Variants in RNF212B observed in about 807,000 individuals in gnomAD.
RNF212B encodes the protein E3 ubiquitin-protein ligase RNF212B.
In RNF212B, 52 loss-of-function variants were observed where a neutral mutation model predicts 55.5. The ratio of observed to expected loss-of-function variants is 0.94; its 90% confidence interval spans 0.75 to 1.18. The LOEUF is 1.18. Among genes scored for constraint, RNF212B ranks in the 50% most tolerant of loss-of-function variants. RNF212B has a pLI of 0.00. For synonymous variants in RNF212B, 99 were observed against 121.4 expected (o/e 0.82, Z 1.21); for missense variants, 289 against 350.4 (o/e 0.82, Z 1.40).
chr14:23,260,697 A>G lies in RNF212B; in HGVS notation c.434+10A>G. On this transcript the variant is annotated intron_variant, in intron 7 of 14. Transcript: ENST00000430154. ...GGTACCAAGGAAGCAGGTCAGTTTT[A>G]TCAGCTCCCATACTAGCCCAGCCCC... 1 of 1,550,188 alleles carries G rather than the reference A, an allele frequency of 6.5e-7. No individual in the cohort carries two copies. The highest frequency in any genetic ancestry group is 8.7e-7 in the Non-Finnish European group (1 of 1,146,674).
upstream of RNF212B, among the ~76,000 whole-genome samples, chr14:23,234,138 T>A (rs1882935788): frequency 6.6e-6 from 1 of 152,092 alleles, no homozygotes; most frequent in Non-Finnish European, 1.5e-5. Flanking sequence ...CCAAGATATT[T>A]TCTAGGAAAA....
chr14:23,247,094 C>A (rs28734785), intron 4 of RNF212B, among the ~76,000 whole-genome samples: 1 of 150,782 alleles, frequency 6.6e-6, no homozygotes, highest in Non-Finnish European at 1.5e-5. Flanking sequence ...GAGCCAAGAT[C>A]GCACCATTGC....
At chr14:23,212,643 G>T (rs148497816) in intron 2 of RNF212B, among the ~76,000 whole-genome samples, 1 of 151,698 alleles carries the variant, frequency 6.6e-6, no homozygotes, top group Non-Finnish European at 1.5e-5. Context: ...GTGCAGTGGC[G>T]CAGTCTCGGC....
At chr14:23,211,551 G>A (rs542138747) in intron 2 of RNF212B, among the ~76,000 whole-genome samples, 13 of 152,138 alleles carry the variant, frequency 8.5e-5, no homozygotes, top group East Asian at 3.9e-4. Context: ...TACAAAGATC[G>A]TACCAGAAAA....
chr14:23,261,969 A>G (rs571461500), intron 7 of RNF212B, among the ~76,000 whole-genome samples: 2 of 55,248 alleles, frequency 3.6e-5, no homozygotes, highest in Admixed American at 2.9e-4. Flanking sequence ...CTCTGTCTCA[A>G]AACAAACAAA....
Position 23,268,936 on chromosome 14 carries a change from C to A in RNF212B, c.647C>A (p.Pro216Gln). The change falls in exon 12 of 15, where the codon CCG becomes CAG. Residue 216 changes from proline to glutamine, a missense_variant. Pro to Gln is a moderately conservative substitution (Grantham distance 76). Transcript: ENST00000430154. ...TTATGCTTTCCAGAAACCCCTTCAC[C>A]GGCTTCAACTCATAGCCTATCTTAT... ...PRDSYNETPS[P>Q]ASTHSLSYRT... 1 of 1,550,324 alleles carries A rather than the reference C, an allele frequency of 6.5e-7. No homozygotes were observed. Among genetic ancestry groups the A allele is most frequent in the Non-Finnish European group, 8.7e-7 (1 of 1,146,478 alleles).
At chr14:23,243,651 G>A (rs545357965) in intron 3 of RNF212B, among the ~76,000 whole-genome samples, 14 of 136,560 alleles carry the variant, frequency 1.0e-4, no homozygotes, top group East Asian at 6.5e-4. Flanking sequence ...AGCTGAGCTC[G>A]CGCCACTGCA....
intron 4 of RNF212B, among the ~76,000 whole-genome samples, chr14:23,257,759 G>GA (rs1025944579): frequency 2.6e-5 from 4 of 151,960 alleles, no homozygotes; most frequent in South Asian, 2.1e-4. Context: ...TGCATGCCCA[G>GA]AAAAAAAATT....
intron 2 of RNF212B, among the ~76,000 whole-genome samples, chr14:23,196,879 C>G (rs1878767788): frequency 6.6e-6 from 1 of 152,186 alleles, no homozygotes; most frequent in African/African-American, 2.4e-5. Flanking sequence ...CCACCCCATT[C>G]CTGGCCCTAG....
chr14:23,247,982 C>G (rs1714877445), intron 4 of RNF212B, among the ~76,000 whole-genome samples: 1 of 152,148 alleles, frequency 6.6e-6, no homozygotes, highest in Non-Finnish European at 1.5e-5. Context: ...GTTCTGGAGG[C>G]TGGGAAGTTC....
rs560143453 is a variant in RNF212B, at chr14:23,204,691, G to T, written c.-2+11290G>T. ...AGATTTGTCCTTTTTGCTTAGTCTT[G>T]CTTTGGCTATGCAGGCACTTTTTTC... is the stretch of plus-strand genomic sequence containing the variant. On this transcript the variant is annotated intron_variant, in intron 2 of 15. Coordinates refer to the RNF212B transcript ENST00000399910. Among the ~76,000 whole-genome samples the T allele has an allele frequency of 9.9e-5, 15 of 152,246 alleles. No individual in the cohort carries two copies. The South Asian group carries it at 3.1e-3, about 32-fold the overall frequency.
At chr14:23,260,849 A>G (rs1479647282) in intron 7 of RNF212B, among the ~76,000 whole-genome samples, 162 bp downstream of exon 7, 1 of 152,206 alleles carries the variant, frequency 6.6e-6, no homozygotes. Flanking sequence ...GTAAAATCTT[A>G]ATTGTAATGC....
chr14:23,220,949 CTG>C, intron 2 of RNF212B, among the ~76,000 whole-genome samples: 1 of 151,994 alleles, frequency 6.6e-6, no homozygotes, highest in East Asian at 1.9e-4. Context: ...GAAGAGAAGA[CTG>C]TAAAACAACC....
intron 4 of RNF212B, among the ~76,000 whole-genome samples, chr14:23,251,814 C>CAAAA (rs71119011): frequency 0.24 from 32,653 of 136,032 alleles, 4,330 homozygotes; most frequent in African/African-American, 0.34. Flanking sequence ...GACTCTGTCT[C>CAAAA]AAAAAAAAAA....
intron 11 of RNF212B, among the ~76,000 whole-genome samples, chr14:23,266,721 C>T (rs891667967): frequency 6.6e-6 from 1 of 152,044 alleles, no homozygotes; most frequent in South Asian, 2.1e-4. Flanking sequence ...TGATTTAAAT[C>T]CTTTTAAATT....
intron 2 of RNF212B, among the ~76,000 whole-genome samples, chr14:23,226,553 C>T (rs1007553393): frequency 3.9e-5 from 6 of 151,944 alleles, no homozygotes; most frequent in Non-Finnish European, 5.9e-5. Flanking sequence ...ATGGGGTGAA[C>T]CCGGGAGGCG....
intron 2 of RNF212B, among the ~76,000 whole-genome samples, chr14:23,218,877 A>T (rs202003841): frequency 1.3e-5 from 2 of 152,286 alleles, no homozygotes; most frequent in East Asian, 3.9e-4. Context: ...CCCAAAGAAG[A>T]GTACCTCCGG....
intron 2 of RNF212B, among the ~76,000 whole-genome samples, chr14:23,194,659 C>G (rs538879112): frequency 7.5e-6 from 1 of 133,768 alleles, no homozygotes; most frequent in African/African-American, 2.6e-5. Flanking sequence ...CGCATGAGCC[C>G]GGGAGATGGA....
chr14:23,238,966 G>A (rs893167768), intron 1 of RNF212B, among the ~76,000 whole-genome samples: 6 of 152,216 alleles, frequency 3.9e-5, no homozygotes, highest in African/African-American at 1.4e-4. Context: ...CTTTCGACAA[G>A]TCATTTAATT....
Sources: allele counts gnomAD v4.1 joint callset (sites outside exome capture counted in the v4.1 genomes callset), GRCh38; gene constraint gnomAD v4.1.1; transcripts MANE v1.5; gene names NCBI Gene and HGNC (gene_info 2026-07-23, HGNC 2026-07-21).